Variants in LAMA2 observed in about 807,000 individuals in gnomAD.
The protein encoded by LAMA2 is laminin subunit alpha-2.
In LAMA2, 269 loss-of-function variants were observed where a neutral mutation model predicts 364.8. The ratio of observed to expected loss-of-function variants is 0.74; its 90% CI spans 0.67 to 0.82. LAMA2 has a LOEUF of 0.82. Ranked by LOEUF, LAMA2 falls within the 40% of genes least tolerant of loss-of-function variation. The probability of loss-of-function intolerance (pLI) is 0.00; values close to 1 mark genes in which losing one functional copy is unlikely to be tolerated. For missense variants in LAMA2, 3,807 were observed against 3,873.2 expected, an observed-to-expected ratio of 0.98 and a Z score of 0.45; for synonymous variants, 1,379 against 1,370.6, an observed-to-expected ratio of 1.01 and a Z score of -0.14.
intron 3 of LAMA2, among the ~76,000 whole-genome samples, chr6:129,070,138 T>C (rs529229645): frequency 6.6e-6 from 1 of 152,294 alleles, no homozygotes; most frequent in African/African-American, 2.4e-5. Context: ...GTCCCACTTT[T>C]ATGCTCTTCA....
chr6:129,270,266 TACACACACACAC>T (rs10522614), intron 16 of LAMA2, among the ~76,000 whole-genome samples: 15,126 of 142,866 alleles, frequency 0.11, 823 homozygotes, highest in Middle Eastern at 0.13. Flanking sequence ...GCTCTATGAC[TACACACACACAC>T]ACACACACAC....
intron 1 of LAMA2, among the ~76,000 whole-genome samples, chr6:128,986,834 T>C (rs1461734491): frequency 1.3e-5 from 2 of 152,142 alleles, no homozygotes; most frequent in Non-Finnish European, 2.9e-5. Flanking sequence ...ATATTTGTTT[T>C]ATAATGATGT....
intron 12 of LAMA2, among the ~76,000 whole-genome samples, chr6:129,208,731 G>A (rs1019473125): frequency 7.2e-6 from 1 of 138,974 alleles, no homozygotes; most frequent in Admixed American, 7.0e-5. Context: ...GGGAGGGAAG[G>A]AAGGAGGGAG....
intron 4 of LAMA2, among the ~76,000 whole-genome samples, chr6:129,126,243 G>A (rs1339764608): frequency 1.3e-5 from 2 of 152,150 alleles, no homozygotes; most frequent in African/African-American, 4.8e-5. Flanking sequence ...CATCTAAAAT[G>A]TCCTTCCAGC....
At chr6:129,113,482 G>T (rs1395576177) in intron 4 of LAMA2, among the ~76,000 whole-genome samples, 2 of 151,978 alleles carry the variant, frequency 1.3e-5, no homozygotes, top group African/African-American at 2.4e-5. Flanking sequence ...AACGCCAAAA[G>T]TCAAGTAACT....
At chr6:129,243,608 T>C (rs771312119) in intron 12 of LAMA2, among the ~76,000 whole-genome samples, 2 of 152,102 alleles carry the variant, frequency 1.3e-5, no homozygotes, top group Non-Finnish European at 2.9e-5. Context: ...GTTCCAGAAC[T>C]ATGTCCTTGA....
intron 16 of LAMA2, 149 bp from the exon 17 acceptor site, chr6:129,270,475 C>T (rs1583384898): frequency 2.8e-6 from 2 of 720,482 alleles, no homozygotes; most frequent in Admixed American, 4.3e-5. Context: ...ACTTTCAATG[C>T]TATTTCTCTG....
At chr6:129,026,159 T>A (rs1785797633) in intron 1 of LAMA2, among the ~76,000 whole-genome samples, 1 of 152,140 alleles carries the variant, frequency 6.6e-6, no homozygotes, top group African/African-American at 2.4e-5. Flanking sequence ...TGGAATAGAA[T>A]GAGAGGTTGT....
chr6:129,284,579 A>C (rs1343301449), intron 18 of LAMA2, among the ~76,000 whole-genome samples: 1 of 152,162 alleles, frequency 6.6e-6, no homozygotes. Context: ...AGATTAAGCC[A>C]GCATTATATT....
rs557710857 is a variant in LAMA2 at position 129,143,930 on chromosome 6, A to G, written c.669A>G (p.Pro223=). The change falls in exon 5 of 65, where the codon CCA becomes CCG. Residue 223 remains proline, a synonymous_variant. Coordinates refer to ENST00000421865, the MANE Select transcript of LAMA2 (RefSeq NM_000426.4). The part of the protein sequence containing the change: ...EIHISLINGR[P]SADDPSPELL... ...ACATCTCTTTAATCAATGGGAGACC[A>G]AGTGCCGATGATCCTTCTCCAGAAC... 1.2e-6 allele frequency: 2 copies of G among 1,610,178 alleles called. No homozygotes were observed. The highest frequency in any genetic ancestry group is 2.7e-5 in the African/African-American group (2 of 74,814).
rs143984438 is a variant in LAMA2 at position 129,148,584 on chromosome 6, T to C, written c.910-395T>C. ...TGGTTTACCTGCACCCCTAGAGGCC[T>C]AGGAATCAACTCCCTCCTTCTTGCC... is the stretch of plus-strand genomic sequence containing the variant. On this transcript the variant is annotated intron_variant, in intron 6 of 64. Coordinates refer to ENST00000421865, the MANE Select transcript of LAMA2 (RefSeq NM_000426.4). Among the ~76,000 whole-genome samples, 9 of 152,188 alleles carry C rather than the reference T, an allele frequency of 5.9e-5. No homozygotes were observed. In the East Asian group the frequency reaches 1.7e-3, roughly 29 times the overall value.
At position 129,366,287 on chromosome 6, in the gene LAMA2, A is replaced by G. The variant is rs774875437; in HGVS notation, c.4786A>G (p.Ile1596Val). The G allele has an allele frequency of 1.1e-5, 17 of 1,614,002 alleles. No homozygotes were observed. The South Asian group carries it at 1.9e-4, about 18-fold the overall frequency. ...LARLEQMVMS[I>V]NLTGPLPAPY... Reference sequence around the variant, plus strand: ...TCGCCTGGAGCAGATGGTCATGAGCATCAACCTCACTGGTCCGCTGCCTGC... The same window carrying G: ...TCGCCTGGAGCAGATGGTCATGAGCGTCAACCTCACTGGTCCGCTGCCTGC... The change falls in exon 33 of 65, where the codon ATC becomes GTC. Residue 1596 changes from isoleucine (I) to valine (V), a missense_variant. Transcript: ENST00000421865.
intron 3 of LAMA2, among the ~76,000 whole-genome samples, chr6:129,062,730 G>T (rs1295548667): frequency 1.3e-5 from 2 of 152,092 alleles, no homozygotes; most frequent in Non-Finnish European, 1.5e-5. Context: ...ATGTTTGTTT[G>T]TCATTTATTC....
intron 40 of LAMA2, among the ~76,000 whole-genome samples, chr6:129,416,631 C>T (rs1207079942): frequency 6.6e-6 from 1 of 152,138 alleles, no homozygotes; most frequent in Non-Finnish European, 1.5e-5. Context: ...GTCACAGGAT[C>T]CTTGGGGTGT....
In LAMA2 at chr6:129,149,090, T is replaced by C. The variant is rs901354818; in HGVS notation, c.1021T>C (p.Cys341Arg). 3 of 1,568,242 alleles carry C rather than the reference T, an allele frequency of 1.9e-6. No individual in the cohort carries two copies. Among genetic ancestry groups the C allele is most frequent in the East Asian group, 2.2e-5 (1 of 44,678 alleles). ...TGGAACTTTTCTAACTAAAACTGAA[T>C]GTGAAGGTATGTTCTTTAGAAGCCA... ...RAGTFLTKTE[C>R]EACNCHGKAE... Residue 341 changes from cysteine to arginine, a missense_variant, in exon 7 of 65, where the codon TGT becomes CGT. Cys to Arg is a radical substitution (Grantham distance 180). Around this residue, in one of 3 missense-constraint regions of LAMA2, gnomAD observed 80 missense variants for 124.0 expected, o/e 0.65. Transcript: ENST00000421865.
rs367838767 is a variant in LAMA2, at chr6:129,222,041, AAC to A, written c.1783-28067_1783-28066del. 8.8e-4 allele frequency among the ~76,000 whole-genome samples: 134 copies of A among 152,318 alleles called. 1 individual carries two copies. The highest frequency in any genetic ancestry group is 2.8e-3 in the African/African-American group (118 of 41,568). On this transcript the variant is annotated intron_variant, in intron 12 of 64. Transcript: ENST00000421865. ...TTTAAAAATGTAAGAAAATAATATA[AAC>A]ACAAAATTCAGCATGTCAGGGTTAT...
At chr6:129,332,204 G>T (rs1331627679) in intron 29 of LAMA2, among the ~76,000 whole-genome samples, 1 of 152,084 alleles carries the variant, frequency 6.6e-6, no homozygotes, top group African/African-American at 2.4e-5. Context: ...GTGTGGGGAG[G>T]TAATTTTTCT....
intron 3 of LAMA2, among the ~76,000 whole-genome samples, chr6:129,087,963 C>T (rs9492225): frequency 0.079 from 11,549 of 145,942 alleles, 1,578 homozygotes; most frequent in African/African-American, 0.28. Context: ...GGCAGGGTCA[C>T]GGGACAATAG....
rs1355759722 is a variant in LAMA2, at chr6:129,453,100, AC to A, written c.6544del (p.Leu2182SerfsTer16). On this transcript the variant is annotated frameshift_variant, in exon 46 of 65. Coordinates refer to ENST00000421865, the MANE Select transcript of LAMA2 (RefSeq NM_000426.4). LOFTEE classifies it high-confidence loss of function. Reference protein sequence around the residue: ...VVNVKTAVADNLLFYLGSAKF... With the variant: ...VVNVKTAVADXLLFYLGSAKF... ...AACGTAAAGACAGCTGTTGCTGATA[AC>A]CTCCTCTTTTATCTTGGAAGTGCCA... 1.9e-6 allele frequency: 3 copies of A among 1,613,090 alleles called. No individual in the cohort carries two copies. The highest frequency in any genetic ancestry group is 2.5e-6 in the Non-Finnish European group (3 of 1,179,482).
Sources: allele counts gnomAD v4.1 joint callset (sites outside exome capture counted in the v4.1 genomes callset), GRCh38; gene constraint gnomAD v4.1.1; regional missense constraint gnomAD v4.1.1; transcripts MANE v1.5; gene names NCBI Gene and HGNC (gene_info 2026-07-23, HGNC 2026-07-21).